PRKCB: variants seen among roughly 807,000 people sequenced by gnomAD.
PRKCB encodes the protein protein kinase C beta.
A neutral mutation model predicts 81.5 loss-of-function variants in PRKCB; 13 were observed. The observed-to-expected ratio is 0.16, with a 90% CI of 0.10 to 0.25. PRKCB has a LOEUF of 0.25. Among genes scored for constraint, PRKCB ranks in the 10% least tolerant of loss-of-function variants. The pLI, the probability that PRKCB is intolerant of heterozygous loss-of-function variation, is 1.00. For missense variants in PRKCB, 509 were observed against 875.7 expected (o/e 0.58, Z 5.29); for synonymous variants, 335 against 321.4 (o/e 1.04, Z -0.45).
intron 2 of PRKCB, among the ~76,000 whole-genome samples, chr16:23,928,899 A>G (rs1963933757): frequency 6.6e-6 from 1 of 151,880 alleles, no homozygotes; most frequent in Non-Finnish European, 1.5e-5. Context: ...TTGTATTTTT[A>G]GTAGAGACGG....
chr16:23,973,316 G>GCT (rs1964582759), intron 2 of PRKCB, among the ~76,000 whole-genome samples: 1 of 152,000 alleles, frequency 6.6e-6, no homozygotes. Flanking sequence ...CAAGTAGCTG[G>GCT]GATTACAAGC....
chr16:23,836,134 C>A lies in PRKCB; in HGVS notation c.-42C>A. 7.8e-7 allele frequency: 1 copy of A among 1,285,322 alleles called. No individual in the cohort carries two copies. Among genetic ancestry groups the A allele is most frequent in the Non-Finnish European group, 9.9e-7 (1 of 1,010,092 alleles). The allele number at this position is 1,285,322 out of a possible 1,614,324, so 79.6% of individuals were successfully genotyped here. ...GCCCGCAGCCCGCGGTCCCGCGGCCCCGGGGCCGGCACCTCTCGGGCTCCG... is the reference window on the plus strand; with the variant it reads ...GCCCGCAGCCCGCGGTCCCGCGGCCACGGGGCCGGCACCTCTCGGGCTCCG... On this transcript the variant is annotated 5_prime_UTR_variant, in exon 1 of 17. Transcript: ENST00000643927.
intron 5 of PRKCB, among the ~76,000 whole-genome samples, chr16:24,084,999 A>G (rs1288678650): frequency 6.6e-6 from 1 of 152,126 alleles, no homozygotes; most frequent in African/African-American, 2.4e-5. Context: ...TGTTGAAGAG[A>G]CAGGAAGGTA....
intron 2 of PRKCB, among the ~76,000 whole-genome samples, chr16:23,986,647 T>C (rs1017067497): frequency 1.3e-5 from 2 of 152,236 alleles, no homozygotes; most frequent in Non-Finnish European, 2.9e-5. Context: ...TTTTGAGGAA[T>C]ATAAGACTCA....
intron 9 of PRKCB, among the ~76,000 whole-genome samples, chr16:24,149,887 A>G (rs7205956): frequency 0.029 from 4,455 of 152,338 alleles, 236 homozygotes; most frequent in African/African-American, 0.1. Flanking sequence ...TTATTGGAGG[A>G]ACATAAAGGT....
intron 5 of PRKCB, among the ~76,000 whole-genome samples, chr16:24,058,421 A>T (rs993302588): frequency 6.9e-6 from 1 of 145,206 alleles, no homozygotes; most frequent in African/African-American, 2.6e-5. Context: ...TAAATAGGTT[A>T]AAAAAAAAAA....
intron 7 of PRKCB, among the ~76,000 whole-genome samples, chr16:24,108,809 C>T (rs1459510982): frequency 1.6e-4 from 24 of 151,802 alleles, no homozygotes; most frequent in African/African-American, 5.8e-4. Flanking sequence ...ACCTTTCCTG[C>T]CTTTCTATTC....
chr16:23,920,034 A>T (rs1567314164), intron 2 of PRKCB, among the ~76,000 whole-genome samples: 1 of 152,234 alleles, frequency 6.6e-6, no homozygotes, highest in Non-Finnish European at 1.5e-5. Flanking sequence ...GAATTGCTAG[A>T]TTAAATGGTA....
At chr16:24,076,988 TGA>T (rs947749809) in intron 5 of PRKCB, among the ~76,000 whole-genome samples, 2 of 152,184 alleles carry the variant, frequency 1.3e-5, no homozygotes, top group African/African-American at 4.8e-5. Context: ...AGCTCTCTCC[TGA>T]GGCAGCTCTT....
chr16:24,002,487 C>T (rs1295310282), intron 3 of PRKCB, among the ~76,000 whole-genome samples: 1 of 151,906 alleles, frequency 6.6e-6, no homozygotes, highest in African/African-American at 2.4e-5. Context: ...TTATAGGCAC[C>T]CACCACCACG....
chr16:24,102,018 T>C (rs1966514735), intron 7 of PRKCB, among the ~76,000 whole-genome samples: 1 of 152,202 alleles, frequency 6.6e-6, no homozygotes, highest in Admixed American at 6.5e-5. Context: ...CAGATTTCTA[T>C]GATGCCAGAG....
chr16:24,096,294 A>C (rs1270754727), intron 7 of PRKCB, among the ~76,000 whole-genome samples: 1 of 152,154 alleles, frequency 6.6e-6, no homozygotes, highest in East Asian at 1.9e-4. Context: ...ATAAACACTA[A>C]ATTTGTCACA....
chr16:24,033,081 G>C (rs1019757097), intron 4 of PRKCB, among the ~76,000 whole-genome samples: 1 of 152,206 alleles, frequency 6.6e-6, no homozygotes, highest in Non-Finnish European at 1.5e-5. Flanking sequence ...CGGATGGCCT[G>C]TGGGGCAGGG....
intron 5 of PRKCB, among the ~76,000 whole-genome samples, chr16:24,047,509 C>T (rs573133808): frequency 1.5e-4 from 23 of 149,668 alleles, no homozygotes; most frequent in African/African-American, 4.2e-4. Flanking sequence ...CTAGGCTGGG[C>T]GACAGAGCGA....
chr16:24,103,607 T>C (rs1212243706), intron 7 of PRKCB, among the ~76,000 whole-genome samples: 1 of 152,212 alleles, frequency 6.6e-6, no homozygotes, highest in Non-Finnish European at 1.5e-5. Context: ...ATTTGTTACC[T>C]GGGTATATTG....
intron 2 of PRKCB, among the ~76,000 whole-genome samples, chr16:23,850,456 C>G (rs2141081954): frequency 6.6e-6 from 1 of 152,282 alleles, no homozygotes; most frequent in Middle Eastern, 3.4e-3. Flanking sequence ...ACCTCCACCT[C>G]TCAGGTTCAA....
chr16:23,935,498 A>G (rs1181114731), intron 2 of PRKCB, among the ~76,000 whole-genome samples: 1 of 152,138 alleles, frequency 6.6e-6, no homozygotes, highest in African/African-American at 2.4e-5. Context: ...GGAGCATACA[A>G]TTAACGTTAA....
chr16:24,056,632 G>C (rs1049792394), intron 5 of PRKCB, among the ~76,000 whole-genome samples: 1 of 152,036 alleles, frequency 6.6e-6, no homozygotes, highest in African/African-American at 2.4e-5. Context: ...ACGAGTTCTC[G>C]CTCCATGTTC....
intron 2 of PRKCB, among the ~76,000 whole-genome samples, chr16:23,935,392 A>G (rs1472380448): frequency 6.6e-6 from 1 of 152,172 alleles, no homozygotes; most frequent in African/African-American, 2.4e-5. Context: ...ATTTTCCAGT[A>G]TGGACAAAGT....
Sources: allele counts gnomAD v4.1 joint callset (sites outside exome capture counted in the v4.1 genomes callset), GRCh38; gene constraint gnomAD v4.1.1; transcripts MANE v1.5; gene names NCBI Gene and HGNC (gene_info 2026-07-23, HGNC 2026-07-21).